Variants in SYNE1 observed in about 807,000 individuals in gnomAD.
SYNE1 encodes the protein spectrin repeat containing nuclear envelope protein 1.
SYNE1 carries 616 observed loss-of-function variants against 1,111.0 expected under a neutral mutation model. That is an observed-to-expected ratio of 0.55 (90% confidence interval 0.52 to 0.59). SYNE1 has a LOEUF of 0.59. Ranked by LOEUF, SYNE1 falls within the 20% of genes least tolerant of loss-of-function variation. The pLI is 0.00. For synonymous variants in SYNE1, 3,855 were observed against 3,825.8 expected (o/e 1.01, Z -0.28); for missense variants, 10,006 against 10,417.0 (o/e 0.96, Z 1.72).
In SYNE1 at chr6:152,483,008, G is replaced by A. The variant is rs2098917146; in HGVS notation, c.1350+77C>T. ...TAATATTTGGGGCGTCCCCGCCAGA[G>A]CAGGTTGTAACTAGGCTACCTCTCC... On this transcript the variant is annotated intron_variant, in intron 14 of 145. Transcript: ENST00000367255. 6 of 1,524,132 alleles carry A rather than the reference G, an allele frequency of 3.9e-6. No homozygotes were observed. In the South Asian group the frequency reaches 5.6e-5, roughly 14 times the overall value. The allele number at this position is 1,524,132 out of a possible 1,614,324, so 94.4% of individuals were successfully genotyped here.
intron 3 of SYNE1, among the ~76,000 whole-genome samples, chr6:152,599,535 T>A (rs2099591168): frequency 6.6e-6 from 1 of 152,206 alleles, no homozygotes; most frequent in African/African-American, 2.4e-5. Flanking sequence ...AAGAGCCAGA[T>A]ACATCAGGGT....
intron 81 of SYNE1, among the ~76,000 whole-genome samples, 166 bp downstream of exon 81, chr6:152,324,918 T>C (rs1330160692): frequency 2.0e-5 from 3 of 152,238 alleles, no homozygotes; most frequent in Non-Finnish European, 2.9e-5. Context: ...GCACATTGCA[T>C]TTTGTACTTT....
At chr6:152,563,625 T>A (rs1262719671) in intron 3 of SYNE1, among the ~76,000 whole-genome samples, 1 of 152,160 alleles carries the variant, frequency 6.6e-6, no homozygotes, top group Non-Finnish European at 1.5e-5. Flanking sequence ...TGGAAAAAAT[T>A]TTAAAAATCT....
At chr6:152,582,271 T>C (rs905582049) in intron 3 of SYNE1, among the ~76,000 whole-genome samples, 1 of 152,100 alleles carries the variant, frequency 6.6e-6, no homozygotes, top group Non-Finnish European at 1.5e-5. Context: ...TCTCCCATAA[T>C]ATCATCATAT....
intron 33 of SYNE1, chr6:152,434,946 A>G (rs754698021): frequency 3.9e-5 from 6 of 152,282 alleles, no homozygotes; most frequent in Middle Eastern, 3.4e-3. Flanking sequence ...GCAACTTTTT[A>G]AATTAAATAA....
chr6:152,464,311 G>A, intron 18 of SYNE1, among the ~76,000 whole-genome samples: 1 of 152,136 alleles, frequency 6.6e-6, no homozygotes, highest in Non-Finnish European at 1.5e-5. Context: ...CATTTCGTAA[G>A]CCTTGTGTGG....
chr6:152,212,243 A>C (rs1166932149), intron 123 of SYNE1, among the ~76,000 whole-genome samples: 2 of 152,092 alleles, frequency 1.3e-5, no homozygotes, highest in Admixed American at 1.3e-4. Flanking sequence ...TCATTGCCCC[A>C]AAAAGAAAGT....
At chr6:152,363,177 G>A (rs1199780006) in intron 63 of SYNE1, among the ~76,000 whole-genome samples, 2 of 139,936 alleles carry the variant, frequency 1.4e-5, no homozygotes, top group Admixed American at 7.0e-5. Flanking sequence ...CACCACACCC[G>A]GCCTACACAT....
chr6:152,169,823 A>G (rs2064727528), intron 130 of SYNE1, among the ~76,000 whole-genome samples: 1 of 151,712 alleles, frequency 6.6e-6, no homozygotes, highest in African/African-American at 2.4e-5. Context: ...AAAATTAAAG[A>G]AAACTGCATT....
At chr6:152,440,159 C>T (rs568126758) in intron 32 of SYNE1, among the ~76,000 whole-genome samples, 109 of 152,240 alleles carry the variant, frequency 7.2e-4, no homozygotes, top group Non-Finnish European at 1.3e-3. Flanking sequence ...CCTGCCACCC[C>T]ACCGCCCTTA....
At chr6:152,369,981 T>TC (rs1554564175) in intron 59 of SYNE1, among the ~76,000 whole-genome samples, 3 of 5,868 alleles carry the variant, frequency 5.1e-4, no homozygotes, top group Non-Finnish European at 9.1e-4. Context: ...TGACTCTGTC[T>TC]CAAAAAAAAA....
intron 104 of SYNE1, among the ~76,000 whole-genome samples, chr6:152,253,812 GGTTTGGTTTTTTTTTTTTTT>G: frequency 8.6e-5 from 1 of 11,664 alleles, no homozygotes; most frequent in Non-Finnish European, 1.4e-4. Flanking sequence ...TATGTGTAGT[GGTTTGGTTTTTTTTTTTTTT>G]TTTTTTTTTT....
chr6:152,355,200 AC>A (rs1400993135), intron 66 of SYNE1, among the ~76,000 whole-genome samples: 20 of 152,138 alleles, frequency 1.3e-4, no homozygotes, highest in African/African-American at 4.6e-4. Context: ...ACACACACAC[AC>A]CCCAATATTT....
chr6:152,584,176 T>C (rs1016474388), intron 3 of SYNE1, among the ~76,000 whole-genome samples: 2 of 152,146 alleles, frequency 1.3e-5, no homozygotes, highest in East Asian at 3.9e-4. Context: ...CTTAGGGTTC[T>C]GGTGAGATTT....
chr6:152,180,042 A>G lies in SYNE1; in HGVS notation c.23460+94T>C, dbSNP rs531598502. 1.1e-4 allele frequency: 149 copies of G among 1,322,852 alleles called. 1 individual carries two copies. The African/African-American group carries it at 2.0e-3, about 18-fold the overall frequency. 81.9% of individuals were successfully genotyped at this position (1,322,852 alleles called of 1,614,324 possible). A position where few individuals can be genotyped will look rare whatever the true frequency, so the allele number is the denominator to read the frequency against. On this transcript the variant is annotated intron_variant, in intron 129 of 145. Transcript: ENST00000367255. ...TAAAATATACTGCTCCTTTGACAGG[A>G]AAGTAATTGTGAGTAAAGCCACCTT...
intron 100 of SYNE1, among the ~76,000 whole-genome samples, chr6:152,265,941 T>A (rs913173700): frequency 5.3e-5 from 8 of 152,124 alleles, no homozygotes; most frequent in Non-Finnish European, 1.2e-4. Flanking sequence ...ATATCAGGCT[T>A]TTTCCTAGCA....
chr6:152,474,822 T>G (rs142899430), intron 14 of SYNE1, among the ~76,000 whole-genome samples: 41 of 152,266 alleles, frequency 2.7e-4, no homozygotes, highest in Admixed American at 4.6e-4. Flanking sequence ...AACTAGAGTT[T>G]ATAACTTTCT....
chr6:152,508,521 T>C (rs776686779), intron 8 of SYNE1, among the ~76,000 whole-genome samples: 1 of 152,242 alleles, frequency 6.6e-6, no homozygotes, highest in Non-Finnish European at 1.5e-5. Context: ...TTCAAGCTAC[T>C]GTTTTATTAA....
intron 3 of SYNE1, among the ~76,000 whole-genome samples, chr6:152,574,162 GTATATATATACACACA>G (rs1238886256): frequency 2.1e-5 from 3 of 145,430 alleles, no homozygotes; most frequent in East Asian, 2.0e-4. Flanking sequence ...ACATATATAT[GTATATATATACACACA>G]TATATATATA....
Sources: allele counts gnomAD v4.1 joint callset (sites outside exome capture counted in the v4.1 genomes callset), GRCh38; gene constraint gnomAD v4.1.1; transcripts MANE v1.5; gene names NCBI Gene and HGNC (gene_info 2026-07-23, HGNC 2026-07-21).